PRELID2: variants seen among roughly 807,000 people sequenced by gnomAD.
PRELID2 encodes the protein PRELI domain containing 2.
A neutral mutation model predicts 28.4 loss-of-function variants in PRELID2; 25 were observed. That is an observed-to-expected ratio of 0.88 (90% CI 0.64 to 1.23). The LOEUF is 1.23. PRELID2 is among the 50% of genes most tolerant of loss of function. The probability of loss-of-function intolerance (pLI) is 0.00; values close to 1 mark genes in which losing one functional copy is unlikely to be tolerated. For missense variants in PRELID2, 201 were observed against 214.4 expected, an observed-to-expected ratio of 0.94 and a Z score of 0.39; for synonymous variants, 76 against 71.6, an observed-to-expected ratio of 1.06 and a Z score of -0.31.
chr5:145,286,063 TATA>T, the PRELID2 span, among the ~76,000 whole-genome samples: 2 of 152,192 alleles, frequency 1.3e-5, no homozygotes, highest in Admixed American at 1.3e-4. Context: ...CAGGTACCTC[TATA>T]ATAATTATAA....
chr5:145,799,728 A>ATTTTT (rs1753002369), intron 4 of PRELID2, among the ~76,000 whole-genome samples: 1 of 152,140 alleles, frequency 6.6e-6, no homozygotes, highest in Admixed American at 6.6e-5. Context: ...GGCTGAAAGG[A>ATTTTT]TAATTGAAGA....
At chr5:145,474,467 C>T (rs1329891350) in intron 1 of PRELID2, among the ~76,000 whole-genome samples, 2 of 152,100 alleles carry the variant, frequency 1.3e-5, no homozygotes, top group African/African-American at 4.8e-5. Flanking sequence ...CTTGGTTAGC[C>T]ATGATGACAG....
chr5:145,285,215 C>T, the PRELID2 span, among the ~76,000 whole-genome samples: 1 of 152,160 alleles, frequency 6.6e-6, no homozygotes, highest in South Asian at 2.1e-4. Context: ...GTCTGAGGCA[C>T]ATTTAGAAGA....
the PRELID2 span, among the ~76,000 whole-genome samples, chr5:145,426,165 C>T: frequency 5.3e-5 from 8 of 152,234 alleles, no homozygotes; most frequent in African/African-American, 1.9e-4. Flanking sequence ...TAAAGTGATC[C>T]TGTGGTTTGC....
chr5:145,544,175 C>T (rs1169320268), intron 1 of PRELID2, among the ~76,000 whole-genome samples: 1 of 152,002 alleles, frequency 6.6e-6, no homozygotes, highest in Non-Finnish European at 1.5e-5. Flanking sequence ...AGCTTGTGTA[C>T]AGAGTTCACG....
chr5:145,532,634 C>T (rs1388450489), intron 1 of PRELID2, among the ~76,000 whole-genome samples: 3 of 152,054 alleles, frequency 2.0e-5, no homozygotes, highest in South Asian at 4.1e-4. Context: ...CTGCCCCCAG[C>T]CCCTGGTAAC....
At chr5:145,539,279 G>C (rs1752727761) in intron 1 of PRELID2, among the ~76,000 whole-genome samples, 1 of 152,030 alleles carries the variant, frequency 6.6e-6, no homozygotes, top group African/African-American at 2.4e-5. Flanking sequence ...ACCAGCTTCA[G>C]TACCTGAACA....
At chr5:145,302,019 A>C in the PRELID2 span, among the ~76,000 whole-genome samples, 1 of 151,690 alleles carries the variant, frequency 6.6e-6, no homozygotes, top group Non-Finnish European at 1.5e-5. Context: ...CACAAAAAAA[A>C]GATGGCCAAG....
chr5:145,735,871 G>C (rs746943733), intron 1 of PRELID2, among the ~76,000 whole-genome samples: 27 of 152,192 alleles, frequency 1.8e-4, no homozygotes, highest in Non-Finnish European at 3.7e-4. Context: ...AAGTGAAATG[G>C]ATGATCAGCA....
the PRELID2 span, among the ~76,000 whole-genome samples, chr5:145,279,220 G>A: frequency 2.0e-5 from 3 of 152,150 alleles, no homozygotes; most frequent in Non-Finnish European, 4.4e-5. Flanking sequence ...AATAACATTT[G>A]CATCAACCTA....
At chr5:145,360,433 G>A in the PRELID2 span, among the ~76,000 whole-genome samples, 902 of 152,142 alleles carry the variant, frequency 5.9e-3, 5 homozygotes, top group Non-Finnish European at 8.4e-3. Context: ...AAGGAAAGAC[G>A]AAGGTCCAGC....
chr5:145,788,098 A>T (rs1393031106), intron 5 of PRELID2, among the ~76,000 whole-genome samples: 2 of 152,000 alleles, frequency 1.3e-5, no homozygotes, highest in Non-Finnish European at 2.9e-5. Flanking sequence ...TGAGATCATG[A>T]CTTGACTCTG....
At chr5:145,815,509 AG>A (rs1240314972) in intron 4 of PRELID2, among the ~76,000 whole-genome samples, 3 of 152,188 alleles carry the variant, frequency 2.0e-5, no homozygotes, top group African/African-American at 7.2e-5. Flanking sequence ...CACTAATTCC[AG>A]GACATTTTCA....
intron 1 of PRELID2, among the ~76,000 whole-genome samples, chr5:145,611,413 C>T (rs1158936411): frequency 1.3e-5 from 2 of 152,172 alleles, no homozygotes; most frequent in Non-Finnish European, 2.9e-5. Context: ...ATCCAACTGC[C>T]TTGGCCTCCC....
At chr5:145,726,595 G>T (rs1455314540) in intron 1 of PRELID2, among the ~76,000 whole-genome samples, 1 of 152,214 alleles carries the variant, frequency 6.6e-6, no homozygotes, top group Non-Finnish European at 1.5e-5. Context: ...ATGTTCACTG[G>T]CACTATTTTT....
At chr5:145,295,226 A>T in the PRELID2 span, among the ~76,000 whole-genome samples, 2 of 152,202 alleles carry the variant, frequency 1.3e-5, no homozygotes, top group Non-Finnish European at 2.9e-5. Context: ...CTGCAAAAAA[A>T]TTGATTTCTA....
rs933448597 is a variant in PRELID2 at position 145,818,358 on chromosome 5, T to C, written c.208-304A>G. Among the ~76,000 whole-genome samples the C allele has an allele frequency of 3.9e-5, 6 of 152,328 alleles. No homozygotes were observed. The East Asian group carries it at 9.6e-4, about 24-fold the overall frequency. On this transcript the variant is annotated intron_variant, in intron 3 of 6. Coordinates refer to ENST00000683046, the MANE Select transcript of PRELID2 (RefSeq NM_205846.3). The stretch of plus-strand genomic sequence containing the variant: ...TTCGCGTCTCCTCTAAGGCTGGTTA[T>C]GGCCTTCTTAAATTGATGGATTCTA...
At chr5:145,447,391 A>T in the PRELID2 span, among the ~76,000 whole-genome samples, 2 of 150,784 alleles carry the variant, frequency 1.3e-5, no homozygotes, top group African/African-American at 4.9e-5. Context: ...GAAACTGATT[A>T]TAATTCTCAC....
At chr5:145,330,885 T>G in the PRELID2 span, among the ~76,000 whole-genome samples, 8 of 152,318 alleles carry the variant, frequency 5.3e-5, no homozygotes, top group Non-Finnish European at 8.8e-5. Flanking sequence ...ATTTTAGATC[T>G]TTCCGGCTTT....
Sources: gnomAD v4.1 joint callset for allele counts (sites outside exome capture counted in the v4.1 genomes callset) on GRCh38, gnomAD v4.1.1 for gene constraint, MANE v1.5 for transcripts, NCBI Gene and HGNC (gene_info 2026-07-23, HGNC 2026-07-21) for gene names.